Variants in JARID2 observed in about 807,000 individuals in gnomAD.
JARID2 encodes jumonji and AT-rich interaction domain containing 2.
In JARID2, 21 loss-of-function variants were observed where a neutral mutation model predicts 125.6. That is an observed-to-expected ratio of 0.17 (90% confidence interval 0.12 to 0.24). The LOEUF is 0.24. Ranked by LOEUF, JARID2 falls within the 10% of genes least tolerant of loss-of-function variation. JARID2 has a pLI of 1.00. For missense variants in JARID2, 1,303 were observed against 1,639.6 expected (o/e 0.79, Z 3.55); for synonymous variants, 736 against 661.6 (o/e 1.11, Z -1.73).
chr6:15,422,871 A>G (rs1471572484), intron 3 of JARID2, among the ~76,000 whole-genome samples: 2 of 152,100 alleles, frequency 1.3e-5, no homozygotes, highest in African/African-American at 4.8e-5. Flanking sequence ...GCTCCAGTTT[A>G]CAGGAAGCAG....
intron 3 of JARID2, among the ~76,000 whole-genome samples, chr6:15,441,239 T>A (rs1014205682): frequency 6.6e-6 from 1 of 152,218 alleles, no homozygotes; most frequent in East Asian, 1.9e-4. Flanking sequence ...ACAAGAACTT[T>A]GGGGTGTAAT....
intron 5 of JARID2, among the ~76,000 whole-genome samples, chr6:15,469,781 A>G (rs1483414365): frequency 6.6e-6 from 1 of 152,140 alleles, no homozygotes; most frequent in Non-Finnish European, 1.5e-5. Flanking sequence ...TCCAGTAGAC[A>G]TTGGAAGATG....
At chr6:15,361,115 G>C (rs1397074856) in intron 1 of JARID2, among the ~76,000 whole-genome samples, 1 of 152,168 alleles carries the variant, frequency 6.6e-6, no homozygotes, top group Non-Finnish European at 1.5e-5. Context: ...TCCATTTACT[G>C]AGTTGAAAAC....
intron 1 of JARID2, among the ~76,000 whole-genome samples, chr6:15,344,591 T>C (rs1763186630): frequency 6.6e-6 from 1 of 152,032 alleles, no homozygotes; most frequent in Non-Finnish European, 1.5e-5. Flanking sequence ...GTCCAAAACA[T>C]TCCCATTCCT....
At chr6:15,258,552 G>A (rs1229074258) in intron 1 of JARID2, among the ~76,000 whole-genome samples, 1 of 152,194 alleles carries the variant, frequency 6.6e-6, no homozygotes, top group Non-Finnish European at 1.5e-5. Context: ...GGGAGGCCAA[G>A]GCGGGCGGAT....
In JARID2 at chr6:15,496,718, G is replaced by T. The variant is rs371985950; in HGVS notation, c.1493G>T (p.Arg498Leu). Reference protein sequence around the residue: ...EVPERSLERNRPKRATAGKST... With the variant: ...EVPERSLERNLPKRATAGKST... Reference sequence around the variant, plus strand: ...CCGGAGCGCAGTCTGGAGAGGAATCGGCCGAAGCGGGCCACGGCCGGGAAG... The same window carrying T: ...CCGGAGCGCAGTCTGGAGAGGAATCTGCCGAAGCGGGCCACGGCCGGGAAG... Residue 498 changes from arginine (R) to leucine (L), a missense_variant, in exon 7 of 18, where the codon CGG becomes CTG. Transcript: ENST00000341776. 2 of 1,613,614 alleles carry T rather than the reference G, an allele frequency of 1.2e-6. No homozygotes were observed. The highest frequency in any genetic ancestry group is 2.2e-5 in the East Asian group (1 of 44,876).
chr6:15,437,733 G>A (rs959523753), intron 3 of JARID2, among the ~76,000 whole-genome samples: 2 of 152,046 alleles, frequency 1.3e-5, no homozygotes, highest in African/African-American at 4.8e-5. Flanking sequence ...GAACCCGGGA[G>A]GCGGAGGTTG....
chr6:15,262,533 ATT>A (rs35864895), intron 1 of JARID2, among the ~76,000 whole-genome samples: 19 of 116,466 alleles, frequency 1.6e-4, no homozygotes, highest in Admixed American at 1.8e-4. Context: ...TGGTTTGGCT[ATT>A]TTTTTTTTTT....
chr6:15,259,008 C>A (rs1420872444), intron 1 of JARID2, among the ~76,000 whole-genome samples: 3 of 152,154 alleles, frequency 2.0e-5, no homozygotes, highest in Non-Finnish European at 4.4e-5. Context: ...CTTGGTTTTT[C>A]TTCCTAACTT....
At chr6:15,502,579 G>A (rs1172337566) in intron 8 of JARID2, among the ~76,000 whole-genome samples, 1 of 152,224 alleles carries the variant, frequency 6.6e-6, no homozygotes, top group Non-Finnish European at 1.5e-5. Flanking sequence ...TTGAGGCAAT[G>A]CGGGCTTCTG....
chr6:15,272,225 C>G (rs1351375622), intron 1 of JARID2, among the ~76,000 whole-genome samples: 1 of 152,228 alleles, frequency 6.6e-6, no homozygotes, highest in Non-Finnish European at 1.5e-5. Context: ...CCCCGTGGCC[C>G]TCTATGTTGT....
intron 1 of JARID2, among the ~76,000 whole-genome samples, chr6:15,315,833 G>A (rs1026148351): frequency 2.6e-5 from 4 of 152,150 alleles, no homozygotes; most frequent in South Asian, 2.1e-4. Flanking sequence ...CCAGTGTGCC[G>A]TCCATACGTT....
chr6:15,326,238 G>A (rs1173631441), intron 1 of JARID2, among the ~76,000 whole-genome samples: 2 of 152,076 alleles, frequency 1.3e-5, no homozygotes, highest in Admixed American at 6.6e-5. Flanking sequence ...GGGGTGGAAG[G>A]TGGAGACAGG....
intron 9 of JARID2, 127 bp downstream of exon 9, chr6:15,504,719 C>G: frequency 1.5e-6 from 1 of 659,846 alleles, no homozygotes; most frequent in Non-Finnish European, 2.7e-6. Flanking sequence ...GGGCTGAGTT[C>G]GTCCTCTGTG....
intron 16 of JARID2, among the ~76,000 whole-genome samples, chr6:15,515,033 GCTCT>G (rs1304681774): frequency 1.5e-5 from 2 of 129,570 alleles, no homozygotes; most frequent in East Asian, 2.2e-4. Flanking sequence ...AGCTTGGTGT[GCTCT>G]CTCTCTGTTC....
chr6:15,501,323 C>T lies in JARID2; in HGVS notation c.2362C>T (p.Arg788Ter). ...GQAQLKTGRR[R>*]LFAQEKEVVK... ...GGCCCAGTTGAAGACTGGCCGGCGG[C>T]GACTCTTCGCTCAGGAAAAAGAAGT... Residue 788 changes from arginine to a stop codon, truncating the protein, a stop_gained, in exon 8 of 18, where the codon CGA (arginine) becomes TGA (stop). Coordinates refer to ENST00000341776, the MANE Select transcript of JARID2 (RefSeq NM_004973.4). LOFTEE classifies it high-confidence loss of function. 1 of 1,608,100 alleles carries T rather than the reference C, an allele frequency of 6.2e-7. No homozygotes were observed. Among genetic ancestry groups the T allele is most frequent in the Non-Finnish European group, 8.5e-7 (1 of 1,176,726 alleles).
At chr6:15,256,597 T>A (rs1453804628) in intron 1 of JARID2, among the ~76,000 whole-genome samples, 2 of 81,708 alleles carry the variant, frequency 2.4e-5, no homozygotes, top group African/African-American at 8.0e-5. Flanking sequence ...CCCATCCACT[T>A]CACACATCCG....
chr6:15,281,038 CAT>C (rs1760730500), intron 1 of JARID2, among the ~76,000 whole-genome samples: 1 of 152,178 alleles, frequency 6.6e-6, no homozygotes, highest in Admixed American at 6.5e-5. Flanking sequence ...ACCGTGCCGT[CAT>C]ATGAGTGATA....
chr6:15,381,371 A>G (rs1764581443), intron 2 of JARID2, among the ~76,000 whole-genome samples: 1 of 144,422 alleles, frequency 6.9e-6, no homozygotes. Flanking sequence ...AAAGTGGCTT[A>G]TGCTTCAGCT....
Sources: allele counts gnomAD v4.1 joint callset (sites outside exome capture counted in the v4.1 genomes callset), GRCh38; gene constraint gnomAD v4.1.1; transcripts MANE v1.5; gene names NCBI Gene and HGNC (gene_info 2026-07-23, HGNC 2026-07-21).